THSD7A: variants seen among roughly 807,000 people sequenced by gnomAD.
THSD7A encodes the protein thrombospondin type 1 domain containing 7A.
THSD7A carries 96 observed loss-of-function variants against 231.3 expected under a neutral mutation model. The ratio of observed to expected loss-of-function variants is 0.41; its 90% CI spans 0.35 to 0.49. The LOEUF is 0.49. Among genes scored for constraint, THSD7A ranks in the 20% least tolerant of loss-of-function variants. THSD7A has a pLI of 0.05. For synonymous variants in THSD7A, 940 were observed against 743.3 expected (o/e 1.26, Z -4.30); for missense variants, 2,290 against 2,070.2 (o/e 1.11, Z -2.06).
intron 1 of THSD7A, among the ~76,000 whole-genome samples, chr7:11,728,731 A>G (rs1355275873): frequency 6.6e-6 from 1 of 151,902 alleles, no homozygotes; most frequent in African/African-American, 2.4e-5. Flanking sequence ...ATATATACCA[A>G]GTAGACTGAG....
chr7:11,598,032 T>G (rs998024083), intron 2 of THSD7A, among the ~76,000 whole-genome samples: 2 of 152,170 alleles, frequency 1.3e-5, no homozygotes, highest in African/African-American at 4.8e-5. Flanking sequence ...CGTGGACAGC[T>G]GCAGCACTAA....
chr7:11,451,319 TTAGA>T (rs1307563130), intron 11 of THSD7A, among the ~76,000 whole-genome samples: 3 of 151,984 alleles, frequency 2.0e-5, no homozygotes, highest in African/African-American at 7.2e-5. Context: ...GATAAAAGTA[TTAGA>T]TAGTTTGAAA....
intron 7 of THSD7A, among the ~76,000 whole-genome samples, chr7:11,477,495 C>G (rs1159288930): frequency 6.7e-6 from 1 of 148,474 alleles, no homozygotes; most frequent in Non-Finnish European, 1.5e-5. Context: ...ATATTTGAGA[C>G]TATATAACTA....
chr7:11,675,163 G>A (rs999592171), intron 1 of THSD7A, among the ~76,000 whole-genome samples: 8 of 152,158 alleles, frequency 5.3e-5, no homozygotes, highest in African/African-American at 1.4e-4. Context: ...AAGTGCAAGG[G>A]GTCAGGGAAC....
chr7:11,464,583 C>T (rs922019875), intron 9 of THSD7A, among the ~76,000 whole-genome samples: 3 of 152,068 alleles, frequency 2.0e-5, no homozygotes, highest in Non-Finnish European at 4.4e-5. Flanking sequence ...TCTCCTAATG[C>T]CTTCTCATCA....
intron 4 of THSD7A, among the ~76,000 whole-genome samples, chr7:11,548,797 C>T (rs1789503646): frequency 6.6e-6 from 1 of 151,670 alleles, no homozygotes; most frequent in African/African-American, 2.4e-5. Flanking sequence ...TTTGACTCAG[C>T]ATCACTTCAT....
intron 15 of THSD7A, 136 bp from the exon 16 acceptor site, chr7:11,424,965 T>A (rs1784271419): frequency 9.3e-7 from 1 of 1,080,182 alleles, no homozygotes; most frequent in Non-Finnish European, 1.3e-6. Context: ...ATTCTAACAT[T>A]GCAATAGAGA....
chr7:11,476,968 G>A (rs767541606), intron 7 of THSD7A, among the ~76,000 whole-genome samples: 10 of 151,962 alleles, frequency 6.6e-5, no homozygotes, highest in Non-Finnish European at 1.0e-4. Flanking sequence ...AAGATGAAAC[G>A]ATGTCCATCA....
chr7:11,407,277 G>T (rs772305011), intron 20 of THSD7A, 29 bp downstream of exon 20: 1 of 1,553,010 alleles, frequency 6.4e-7, no homozygotes, highest in Non-Finnish European at 8.8e-7. Context: ...TTGACCAGTA[G>T]CCTAATATAA....
intron 6 of THSD7A, among the ~76,000 whole-genome samples, chr7:11,502,591 A>G (rs887818465): frequency 6.6e-6 from 1 of 152,076 alleles, no homozygotes; most frequent in Non-Finnish European, 1.5e-5. Flanking sequence ...ACATCCCTTC[A>G]TCTTAAAAAC....
intron 1 of THSD7A, among the ~76,000 whole-genome samples, chr7:11,685,486 C>T (rs115376168): frequency 0.013 from 1,964 of 151,800 alleles, 30 homozygotes; most frequent in African/African-American, 0.045. Context: ...CTGACAAAGG[C>T]CTAATATCCA....
chr7:11,688,999 T>C (rs948861286), intron 1 of THSD7A, among the ~76,000 whole-genome samples: 3 of 151,894 alleles, frequency 2.0e-5, no homozygotes, highest in African/African-American at 7.2e-5. Context: ...TCTTCCCTAT[T>C]TGTTTTCTCA....
Position 11,400,062 on chromosome 7 carries a change from C to T in THSD7A, c.4411+1733G>A, listed in dbSNP as rs564616664. Among the ~76,000 whole-genome samples the T allele has an allele frequency of 1.8e-3, 267 of 150,730 alleles. 1 individual carries two copies. The highest frequency in any genetic ancestry group is 5.9e-3 in the African/African-American group (243 of 41,050). On this transcript the variant is annotated intron_variant, in intron 23 of 27. Transcript: ENST00000423059. ...CATTCTGAGCAAACTATGGCAAGGA[C>T]GAAAAACCAAACACCGCATGTTCTC... is the stretch of plus-strand genomic sequence containing the variant.
At chr7:11,505,383 C>A (rs2128311596) in intron 6 of THSD7A, among the ~76,000 whole-genome samples, 1 of 151,666 alleles carries the variant, frequency 6.6e-6, no homozygotes, top group African/African-American at 2.4e-5. Flanking sequence ...CTGATGATTT[C>A]AGTACTTAAA....
chr7:11,588,097 T>G (rs1047508798), intron 4 of THSD7A, among the ~76,000 whole-genome samples: 3 of 152,128 alleles, frequency 2.0e-5, no homozygotes, highest in African/African-American at 7.2e-5. Context: ...CTGGGGGAGT[T>G]GTTTTGAGGG....
At chr7:11,521,163 G>C (rs1209069352) in intron 6 of THSD7A, among the ~76,000 whole-genome samples, 1 of 152,060 alleles carries the variant, frequency 6.6e-6, no homozygotes, top group Non-Finnish European at 1.5e-5. Flanking sequence ...TATTCACACA[G>C]ACATATATAT....
At chr7:11,424,891 C>A in intron 15 of THSD7A, 62 bp from the exon 16 acceptor site, 3 of 1,594,570 alleles carry the variant, frequency 1.9e-6, no homozygotes, top group Non-Finnish European at 1.7e-6. Context: ...AGGAAGACTT[C>A]CACACCATAA....
At chr7:11,386,143 T>G (rs1290424615) in intron 23 of THSD7A, among the ~76,000 whole-genome samples, 1 of 152,212 alleles carries the variant, frequency 6.6e-6, no homozygotes, top group Admixed American at 6.5e-5. Context: ...TGGTTCCAAG[T>G]CTTTGCTATT....
chr7:11,439,956 G>A (rs2107155), intron 13 of THSD7A, among the ~76,000 whole-genome samples: 100,572 of 151,806 alleles, frequency 0.66, 33,459 homozygotes, highest in Middle Eastern at 0.72. Flanking sequence ...AACAACATCT[G>A]GGACTTTCAT....
Sources: allele counts gnomAD v4.1 joint callset (sites outside exome capture counted in the v4.1 genomes callset), GRCh38; gene constraint gnomAD v4.1.1; transcripts MANE v1.5; gene names NCBI Gene and HGNC (gene_info 2026-07-23, HGNC 2026-07-21).